The following CADPS variants were observed in gnomAD, a reference collection of about 807,000 sequenced individuals.
CADPS encodes the protein calcium-dependent secretion activator 1.
A neutral mutation model predicts 167.3 loss-of-function variants in CADPS; 57 were observed. The observed-to-expected ratio is 0.34, with a 90% CI of 0.28 to 0.42. The LOEUF (loss-of-function observed/expected upper bound fraction) is 0.42, where lower values mean the gene tolerates loss of function less well. CADPS is among the 20% of genes least tolerant of loss of function. CADPS has a pLI of 1.00. For synonymous variants in CADPS, 676 were observed against 635.3 expected (o/e 1.06, Z -0.96); for missense variants, 1,414 against 1,738.1 (o/e 0.81, Z 3.32).
intron 18 of CADPS, among the ~76,000 whole-genome samples, chr3:62,495,292 C>A (rs1424730522): frequency 6.6e-6 from 1 of 152,112 alleles, no homozygotes; most frequent in African/African-American, 2.4e-5. Flanking sequence ...ATAATCAAAC[C>A]TGACTCTCCA....
intron 3 of CADPS, among the ~76,000 whole-genome samples, chr3:62,719,551 C>T (rs2151949457): frequency 6.6e-6 from 1 of 152,326 alleles, no homozygotes; most frequent in East Asian, 1.9e-4. Flanking sequence ...GTATGCAGTG[C>T]AAGGACTTTA....
At chr3:62,828,261 G>A (rs1479353612) in intron 1 of CADPS, among the ~76,000 whole-genome samples, 1 of 152,172 alleles carries the variant, frequency 6.6e-6, no homozygotes, top group Non-Finnish European at 1.5e-5. Flanking sequence ...CGTGGAGCCA[G>A]GGCTCCAGAT....
chr3:62,713,545 A>C (rs181689990), intron 3 of CADPS, among the ~76,000 whole-genome samples: 74 of 152,338 alleles, frequency 4.9e-4, no homozygotes, highest in Admixed American at 4.2e-3. Flanking sequence ...AGTAGGTGTA[A>C]ATATGACTGC....
chr3:62,546,155 AG>A (rs936180615), intron 11 of CADPS, among the ~76,000 whole-genome samples: 27 of 150,020 alleles, frequency 1.8e-4, no homozygotes, highest in Admixed American at 2.6e-4. Context: ...ATTTTTTGTT[AG>A]CTAGAGAATC....
At chr3:62,744,140 C>T (rs1188744448) in intron 3 of CADPS, among the ~76,000 whole-genome samples, 1 of 151,990 alleles carries the variant, frequency 6.6e-6, no homozygotes, top group Non-Finnish European at 1.5e-5. Flanking sequence ...GCTTTAAAGG[C>T]TTGTTATGAG....
chr3:62,726,745 C>A (rs1326630826), intron 3 of CADPS, among the ~76,000 whole-genome samples: 1 of 151,872 alleles, frequency 6.6e-6, no homozygotes, highest in South Asian at 2.1e-4. Context: ...AAGTAATTAA[C>A]CCTTCTGCTT....
rs1301606575 is a variant in CADPS, at chr3:62,645,832, C to T, written c.1215G>A (p.Met405Ile). 6.2e-7 allele frequency: 1 copy of T among 1,614,034 alleles called. No homozygotes were observed. The highest frequency in any genetic ancestry group is 1.7e-5 in the Admixed American group (1 of 60,012). ...CCAAAGATTTGAGGCCTTGGACTTC[C>T]ATAATTACCACCTGAAAAGAGAATT... is the stretch of plus-strand genomic sequence containing the variant. ...VLSFSLEVVIMEVQGLKSLAP... is the reference protein window; with the variant it reads ...VLSFSLEVVIIEVQGLKSLAP... Residue 405 changes from methionine (M) to isoleucine (I), a missense_variant, in exon 6 of 30, where the codon ATG (methionine) becomes ATA (isoleucine). Coordinates refer to ENST00000383710, the MANE Select transcript of CADPS (RefSeq NM_003716.4).
At chr3:62,814,708 A>G (rs1303468428) in intron 1 of CADPS, among the ~76,000 whole-genome samples, 2 of 152,152 alleles carry the variant, frequency 1.3e-5, no homozygotes, top group Non-Finnish European at 2.9e-5. Flanking sequence ...TTCTGAAAAT[A>G]TAACACAAAT....
intron 19 of CADPS, among the ~76,000 whole-genome samples, 198 bp downstream of exon 19, chr3:62,493,446 CG>C (rs1202694077): frequency 1.3e-5 from 2 of 152,028 alleles, no homozygotes; most frequent in Admixed American, 1.3e-4. Context: ...AAACACTTTC[CG>C]GAGCATTCAC....
At chr3:62,853,985 A>C (rs951472583) in intron 1 of CADPS, among the ~76,000 whole-genome samples, 1 of 152,110 alleles carries the variant, frequency 6.6e-6, no homozygotes, top group African/African-American at 2.4e-5. Flanking sequence ...TAAATAATAC[A>C]TGACAAAGTA....
intron 26 of CADPS, among the ~76,000 whole-genome samples, chr3:62,447,093 G>A (rs1330898858): frequency 1.3e-5 from 2 of 152,272 alleles, no homozygotes; most frequent in African/African-American, 4.8e-5. Flanking sequence ...ATAGGGTGGG[G>A]TGGAAAGAGC....
At chr3:62,837,109 A>C (rs2076010119) in intron 1 of CADPS, among the ~76,000 whole-genome samples, 1 of 152,232 alleles carries the variant, frequency 6.6e-6, no homozygotes. Context: ...TAAATATGTT[A>C]ATATTGATAA....
At chr3:62,596,097 AC>A in intron 6 of CADPS, among the ~76,000 whole-genome samples, 1 of 6,876 alleles carries the variant, frequency 1.5e-4, no homozygotes, top group Non-Finnish European at 7.0e-4. Context: ...ATACACACAC[AC>A]ACACACACAC....
intron 3 of CADPS, among the ~76,000 whole-genome samples, chr3:62,745,667 T>C (rs545908071): frequency 6.6e-6 from 1 of 152,328 alleles, no homozygotes; most frequent in East Asian, 1.9e-4. Flanking sequence ...GGCTGAATAC[T>C]GAAGACCTGT....
chr3:62,803,245 T>C (rs2093883862), intron 1 of CADPS, among the ~76,000 whole-genome samples: 3 of 151,992 alleles, frequency 2.0e-5, no homozygotes, highest in Middle Eastern at 3.4e-3. Flanking sequence ...AGACGAATGA[T>C]CCTTGAAAAC....
At chr3:62,828,454 T>G (rs144038183) in intron 1 of CADPS, among the ~76,000 whole-genome samples, 70 of 152,256 alleles carry the variant, frequency 4.6e-4, no homozygotes, top group Non-Finnish European at 9.7e-4. Flanking sequence ...AATGGCCAAT[T>G]AGTAACTGAG....
intron 8 of CADPS, among the ~76,000 whole-genome samples, chr3:62,571,567 CT>C (rs750711541): frequency 2.4e-3 from 352 of 143,906 alleles, no homozygotes; most frequent in Admixed American, 2.8e-3. Context: ...ATAAATATTA[CT>C]TTTTTTTTTT....
At chr3:62,715,644 T>C (rs952308952) in intron 3 of CADPS, among the ~76,000 whole-genome samples, 3 of 151,390 alleles carry the variant, frequency 2.0e-5, no homozygotes, top group African/African-American at 7.3e-5. Context: ...CATATGACAT[T>C]TGGAATACCA....
At chr3:62,672,800 C>T (rs112391626) in intron 3 of CADPS, among the ~76,000 whole-genome samples, 3,830 of 152,058 alleles carry the variant, frequency 0.025, 157 homozygotes, top group African/African-American at 0.085. Context: ...TTGTATTTTT[C>T]GTAGAGACGG....
Sources: gnomAD v4.1 joint callset for allele counts (sites outside exome capture counted in the v4.1 genomes callset) on GRCh38, gnomAD v4.1.1 for gene constraint, MANE v1.5 for transcripts, NCBI Gene and HGNC (gene_info 2026-07-23, HGNC 2026-07-21) for gene names.